The following DTL variants were observed in gnomAD, a reference collection of about 807,000 sequenced individuals.
DTL encodes denticleless protein homolog.
Under a neutral mutation model 87.0 loss-of-function variants are expected in DTL, and 46 were observed. The observed-to-expected ratio is 0.53, with a 90% confidence interval of 0.42 to 0.68. The LOEUF is 0.68. Ranked by LOEUF, DTL falls within the 30% of genes least tolerant of loss-of-function variation. The pLI is 0.00. For missense variants in DTL, 737 were observed against 869.4 expected, an observed-to-expected ratio of 0.85 and a Z score of 1.91; for synonymous variants, 308 against 311.2, an observed-to-expected ratio of 0.99 and a Z score of 0.11.
intron 5 of DTL, among the ~76,000 whole-genome samples, chr1:212,049,959 T>C (rs1483788004): frequency 1.3e-5 from 2 of 151,942 alleles, no homozygotes; most frequent in African/African-American, 4.8e-5. Context: ...GAAGGATTGC[T>C]TGAGGCCAGG....
At position 212,103,880 on chromosome 1, in the gene DTL, A is replaced by G. The variant is rs1292771450; in HGVS notation, c.*940A>G. 6.6e-6 allele frequency: 1 copy of G among 152,232 alleles called. No homozygotes were observed. Among genetic ancestry groups the G allele is most frequent in the Non-Finnish European group, 1.5e-5 (1 of 68,048 alleles). The allele number at this position is 152,232 out of a possible 1,614,324, so 9.4% of individuals were successfully genotyped here. A position where few individuals can be genotyped will look rare whatever the true frequency, so the allele number is the denominator to read the frequency against. On this transcript the variant is annotated 3_prime_UTR_variant, in exon 15 of 15. Transcript: ENST00000366991. ...ATGATTTCTTATTGATATTTTTGTA[A>G]CAGAATATAGCTCTTAACTGAAAAT... is the stretch of plus-strand genomic sequence containing the variant.
At chr1:212,072,257 C>A in intron 11 of DTL, 44 bp downstream of exon 11, 1 of 1,421,858 alleles carries the variant, frequency 7.0e-7, no homozygotes, top group Middle Eastern at 1.8e-4. Flanking sequence ...CTGAAGTATT[C>A]TTGCAAATAT....
chr1:212,103,092 T>G lies in DTL; in HGVS notation c.*152T>G, dbSNP rs11552933. ...TTTTTAGACAAAATCTTTTCAACGC[T>G]GAAATGTACCTAATCTGGTTCTACT... On this transcript the variant is annotated 3_prime_UTR_variant, in exon 15 of 15. Transcript: ENST00000366991. 3.8e-4 allele frequency: 193 copies of G among 505,706 alleles called. No individual in the cohort carries two copies. Among genetic ancestry groups the G allele is most frequent in the Non-Finnish European group, 6.0e-4 (170 of 283,878 alleles). 31.3% of individuals were successfully genotyped at this position (505,706 alleles called of 1,614,324 possible). A position where few individuals can be genotyped will look rare whatever the true frequency, so the allele number is the denominator to read the frequency against.
At position 212,078,025 on chromosome 1, in the gene DTL, G is replaced by T. The variant is rs1012651066; in HGVS notation, c.1036-148G>T. ...TTTCATTGCCCATTGGAAATCTGTTGTTTTTTTTTTCCTAACTATAGCTAG... is the reference window on the plus strand; with the variant it reads ...TTTCATTGCCCATTGGAAATCTGTTTTTTTTTTTTTCCTAACTATAGCTAG... On this transcript the variant is annotated intron_variant, in intron 11 of 14. Coordinates refer to ENST00000366991, the MANE Select transcript of DTL (RefSeq NM_016448.4). 236 of 395,492 alleles carry T rather than the reference G, an allele frequency of 6.0e-4. No homozygotes were observed. The highest frequency in any genetic ancestry group is 7.5e-4 in the Non-Finnish European group (162 of 215,418). 24.5% of individuals were successfully genotyped at this position (395,492 alleles called of 1,614,324 possible).
intron 13 of DTL, among the ~76,000 whole-genome samples, chr1:212,092,899 TC>T (rs917442422): frequency 3.3e-5 from 5 of 152,160 alleles, no homozygotes; most frequent in Non-Finnish European, 7.4e-5. Flanking sequence ...GTAAAAGTGT[TC>T]CCTTTCCACC....
Position 212,052,511 on chromosome 1 carries a change from C to T in DTL, c.460+5094C>T, listed in dbSNP as rs141142117. Among the ~76,000 whole-genome samples the T allele has an allele frequency of 5.5e-4, 84 of 151,910 alleles. No individual in the cohort carries two copies. In the East Asian group the frequency reaches 0.015, roughly 26 times the overall value. On this transcript the variant is annotated intron_variant, in intron 5 of 14. Coordinates refer to ENST00000366991, the MANE Select transcript of DTL (RefSeq NM_016448.4). ...AATTAGCCAGGCGTTGTGGTGGGCACCTGTAATCCCAGCTACTCAGGAGGT... is the reference window on the plus strand; with the variant it reads ...AATTAGCCAGGCGTTGTGGTGGGCATCTGTAATCCCAGCTACTCAGGAGGT...
At chr1:212,069,502 G>A (rs1654607642) in intron 10 of DTL, among the ~76,000 whole-genome samples, 1 of 151,504 alleles carries the variant, frequency 6.6e-6, no homozygotes, top group Admixed American at 6.6e-5. Flanking sequence ...CTCAAGTACA[G>A]AACTTGTTTT....
intron 11 of DTL, among the ~76,000 whole-genome samples, chr1:212,076,868 G>A (rs749696422): frequency 1.2e-4 from 19 of 152,194 alleles, no homozygotes; most frequent in Non-Finnish European, 2.4e-4. Flanking sequence ...TCCTGTAGAT[G>A]TGGAAAAAGC....
At chr1:212,082,429 G>A (rs1288383513) in intron 13 of DTL, among the ~76,000 whole-genome samples, 1 of 152,130 alleles carries the variant, frequency 6.6e-6, no homozygotes, top group African/African-American at 2.4e-5. Flanking sequence ...TTTTAAATAG[G>A]AATATAACAT....
At chr1:212,102,655 T>C (rs1052738522) in intron 14 of DTL, among the ~76,000 whole-genome samples, 187 bp from the exon 15 acceptor site, 3 of 152,224 alleles carry the variant, frequency 2.0e-5, no homozygotes, top group African/African-American at 7.2e-5. Flanking sequence ...CTACATATCA[T>C]CTGTTAAGTT....
At chr1:212,076,950 T>C (rs1654850318) in intron 11 of DTL, among the ~76,000 whole-genome samples, 2 of 152,218 alleles carry the variant, frequency 1.3e-5, no homozygotes, top group Admixed American at 6.5e-5. Flanking sequence ...TTTTGCTTTT[T>C]TAATTATTGC....
chr1:212,050,984 T>C (rs1188829685), intron 5 of DTL, among the ~76,000 whole-genome samples: 1 of 152,100 alleles, frequency 6.6e-6, no homozygotes, highest in African/African-American at 2.4e-5. Flanking sequence ...TTAGAATCTG[T>C]GATATCCCAC....
At chr1:212,091,663 T>G (rs183069720) in intron 13 of DTL, among the ~76,000 whole-genome samples, 8 of 152,312 alleles carry the variant, frequency 5.3e-5, no homozygotes, top group African/African-American at 1.7e-4. Context: ...TGAAAGACAT[T>G]ATGCTAGGAG....
At chr1:212,049,246 G>A (rs373812061) in intron 5 of DTL, among the ~76,000 whole-genome samples, 44 of 152,072 alleles carry the variant, frequency 2.9e-4, no homozygotes, top group African/African-American at 9.7e-4. Flanking sequence ...TAAGAAAGTC[G>A]GTTTTAATTT....
chr1:212,096,081 T>G (rs1655436924), intron 13 of DTL, among the ~76,000 whole-genome samples: 1 of 74,168 alleles, frequency 1.3e-5, no homozygotes, highest in African/African-American at 5.0e-5. Context: ...TCTTATTTCT[T>G]CCTGGTTTAA....
At chr1:212,093,240 G>A (rs1197602743) in intron 13 of DTL, among the ~76,000 whole-genome samples, 2 of 152,118 alleles carry the variant, frequency 1.3e-5, no homozygotes, top group Non-Finnish European at 1.5e-5. Context: ...GTAGGGCTCC[G>A]ACCCCACAGC....
At chr1:212,096,258 CTTCTT>C (rs1383011205) in intron 13 of DTL, among the ~76,000 whole-genome samples, 2 of 152,124 alleles carry the variant, frequency 1.3e-5, no homozygotes, top group South Asian at 4.1e-4. Flanking sequence ...GATCTTCTCT[CTTCTT>C]TTCTTGGTTA....
chr1:212,061,208 G>A (rs7532954), intron 5 of DTL, among the ~76,000 whole-genome samples: 144,796 of 151,334 alleles, frequency 0.96, 69,317 homozygotes, highest in East Asian at 1. Flanking sequence ...TGATTACATC[G>A]CTGTACTCCA....
At chr1:212,058,315 G>A (rs1668241412) in intron 5 of DTL, among the ~76,000 whole-genome samples, 1 of 152,100 alleles carries the variant, frequency 6.6e-6, no homozygotes, top group Non-Finnish European at 1.5e-5. Context: ...CACAAAACAA[G>A]TCTCAACACA....
Sources: gnomAD v4.1 joint callset for allele counts (sites outside exome capture counted in the v4.1 genomes callset) on GRCh38, gnomAD v4.1.1 for gene constraint, MANE v1.5 for transcripts, NCBI Gene and HGNC (gene_info 2026-07-23, HGNC 2026-07-21) for gene names.